ANKRD36C: variants seen among roughly 807,000 people sequenced by gnomAD.
The protein encoded by ANKRD36C is ankyrin repeat domain-containing protein 36C.
ANKRD36C carries 61 observed loss-of-function variants against 276.4 expected under a neutral mutation model. The observed-to-expected ratio is 0.22, with a 90% CI of 0.18 to 0.27. The LOEUF is 0.27. Among genes scored for constraint, ANKRD36C ranks in the 10% least tolerant of loss-of-function variants. The probability of loss-of-function intolerance (pLI) is 1.00; values close to 1 mark genes in which losing one functional copy is unlikely to be tolerated. For missense variants in ANKRD36C, 1,447 were observed against 2,032.3 expected, an observed-to-expected ratio of 0.71 and a Z score of 5.54; for synonymous variants, 483 against 680.1, an observed-to-expected ratio of 0.71 and a Z score of 4.51.
intron 6 of ANKRD36C, among the ~76,000 whole-genome samples, chr2:95,965,040 GA>G (rs1197735141): frequency 6.6e-6 from 1 of 151,628 alleles, no homozygotes; most frequent in Non-Finnish European, 1.5e-5. Context: ...GTCAGTAATT[GA>G]CATGAAAAAT....
intron 60 of ANKRD36C, among the ~76,000 whole-genome samples, chr2:95,864,940 C>G (rs1264314958): frequency 6.6e-6 from 1 of 152,026 alleles, no homozygotes; most frequent in African/African-American, 2.4e-5. Context: ...TTGAAGGATA[C>G]AAATTCAATA....
At chr2:95,908,975 C>T (rs945837658) in intron 42 of ANKRD36C, among the ~76,000 whole-genome samples, 1 of 151,018 alleles carries the variant, frequency 6.6e-6, no homozygotes, top group African/African-American at 2.4e-5. Context: ...GTGGATATGC[C>T]GAGTGATGAG....
At chr2:95,902,025 T>C (rs1407301337) in intron 42 of ANKRD36C, among the ~76,000 whole-genome samples, 31 of 146,386 alleles carry the variant, frequency 2.1e-4, no homozygotes, top group Admixed American at 8.2e-4. Context: ...TAGGAGTTAG[T>C]TAGAATTCAA....
intron 52 of ANKRD36C, 63 bp downstream of exon 72, chr2:95,885,985 T>G: frequency 6.4e-7 from 1 of 1,565,332 alleles, no homozygotes; most frequent in African/African-American, 1.4e-5. Context: ...GCTGATTTAT[T>G]TGGGGAAGTG....
chr2:95,990,452 T>C (rs978599478), intron 1 of ANKRD36C, among the ~76,000 whole-genome samples: 1 of 152,192 alleles, frequency 6.6e-6, no homozygotes, highest in African/African-American at 2.4e-5. Context: ...ACTGATTTGT[T>C]GTTTCAGCTG....
At chr2:95,942,365 T>C (rs1677917885) in intron 19 of ANKRD36C, among the ~76,000 whole-genome samples, 2 of 152,312 alleles carry the variant, frequency 1.3e-5, no homozygotes, top group African/African-American at 4.8e-5. Flanking sequence ...AGATATTTAT[T>C]TCTGGAATAT....
upstream of ANKRD36C, chr2:95,991,799 C>G: frequency 7.9e-7 from 1 of 1,269,002 alleles, no homozygotes; most frequent in Non-Finnish European, 1.1e-6. Context: ...GCAAAGCAGT[C>G]TGTCCACGGA....
At chr2:95,887,105 GA>G (rs1343377835) in intron 50 of ANKRD36C, among the ~76,000 whole-genome samples, 7 of 151,188 alleles carry the variant, frequency 4.6e-5, no homozygotes, top group African/African-American at 1.7e-4. Flanking sequence ...GTCTTGTTAG[GA>G]GTATCATGCT....
chr2:95,914,703 A>G (rs558449175), intron 38 of ANKRD36C, among the ~76,000 whole-genome samples: 1 of 151,634 alleles, frequency 6.6e-6, no homozygotes, highest in African/African-American at 2.4e-5. Flanking sequence ...AAGGATTTAC[A>G]CCATTATACT....
chr2:95,858,858 T>C (rs1490796323), intron 61 of ANKRD36C, among the ~76,000 whole-genome samples: 1 of 152,278 alleles, frequency 6.6e-6, no homozygotes. Flanking sequence ...TTGTAAAATC[T>C]GTTTTGGAAC....
intron 46 of ANKRD36C, among the ~76,000 whole-genome samples, chr2:95,890,264 G>A (rs1490139828): frequency 3.3e-5 from 5 of 151,444 alleles, no homozygotes; most frequent in East Asian, 1.9e-4. Flanking sequence ...TATCAATGTC[G>A]ATATGCCGAG....
At chr2:95,871,898 CA>C (rs1224838265) in intron 59 of ANKRD36C, among the ~76,000 whole-genome samples, 6 of 150,664 alleles carry the variant, frequency 4.0e-5, no homozygotes, top group Admixed American at 2.0e-4. Context: ...TTTAAACCAA[CA>C]AAGATCAAAA....
intron 59 of ANKRD36C, among the ~76,000 whole-genome samples, chr2:95,870,951 AG>A (rs2104295689): frequency 6.6e-6 from 1 of 152,280 alleles, no homozygotes; most frequent in East Asian, 1.9e-4. Flanking sequence ...TGAAACGAGA[AG>A]GGAAGTTGAG....
At chr2:95,916,244 T>C (rs1677092568) in intron 36 of ANKRD36C, 73 bp from the exon 39 acceptor site, 5 of 1,589,006 alleles carry the variant, frequency 3.1e-6, no homozygotes, top group Non-Finnish European at 2.6e-6. Context: ...CACACAGTGT[T>C]AGCATCAACC....
intron 63 of ANKRD36C, among the ~76,000 whole-genome samples, chr2:95,854,582 T>C (rs1257416066): frequency 6.6e-6 from 1 of 152,112 alleles, no homozygotes; most frequent in Non-Finnish European, 1.5e-5. Context: ...ATTTTTTATT[T>C]AAAAACTGAA....
At chr2:95,863,972 T>C (rs1675635642) in intron 60 of ANKRD36C, among the ~76,000 whole-genome samples, 1 of 151,996 alleles carries the variant, frequency 6.6e-6, no homozygotes, top group Non-Finnish European at 1.5e-5. Context: ...ATTATGGGCT[T>C]GGGGTGATTG....
chr2:95,852,470 T>C, intron 64 of ANKRD36C: 1 of 384,696 alleles, frequency 2.6e-6, no homozygotes, highest in South Asian at 3.1e-5. Context: ...ATCTTATGGC[T>C]CACAAAGCCT....
chr2:95,970,929 A>G (rs1678684249), intron 6 of ANKRD36C, among the ~76,000 whole-genome samples: 1 of 152,136 alleles, frequency 6.6e-6, no homozygotes, highest in African/African-American at 2.4e-5. Context: ...CATTTTCCTC[A>G]ACCCTCCCCA....
At chr2:95,952,931 G>A (rs186291726) in intron 14 of ANKRD36C, among the ~76,000 whole-genome samples, 3,310 of 152,256 alleles carry the variant, frequency 0.022, 4 homozygotes, top group Non-Finnish European at 0.032. Context: ...TAGTAATGCA[G>A]GAGCTTTACA....
Sources: gnomAD v4.1 joint callset for allele counts (sites outside exome capture counted in the v4.1 genomes callset) on GRCh38, gnomAD v4.1.1 for gene constraint, MANE v1.5 for transcripts, NCBI Gene and HGNC (gene_info 2026-07-23, HGNC 2026-07-21) for gene names.